The following SGSH variants were observed in gnomAD, a reference collection of about 807,000 sequenced individuals.
SGSH encodes the protein N-sulfoglucosamine sulfohydrolase.
Under a neutral mutation model 51.0 loss-of-function variants are expected in SGSH, and 48 were observed. The ratio of observed to expected loss-of-function variants is 0.94; its 90% CI spans 0.75 to 1.20. The LOEUF is 1.20. Among genes scored for constraint, SGSH ranks in the 50% most tolerant of loss-of-function variants. SGSH has a pLI of 0.00. For synonymous variants in SGSH, 321 were observed against 313.4 expected (o/e 1.02, Z -0.26); for missense variants, 662 against 717.8 (o/e 0.92, Z 0.89).
downstream of SGSH, chr17:80,202,640 A>T: frequency 7.2e-7 from 1 of 1,393,286 alleles, no homozygotes; most frequent in Non-Finnish European, 9.3e-7. Flanking sequence ...AACATTCTAG[A>T]TCTGGGTTTC....
rs533785180 is a variant in SGSH at position 80,210,174 on chromosome 17, C to T, written c.*278G>A. ...GCAGACCACGTATGTCTAGAATTCC[C>T]GTGCTGGGACATGGTTCAGACACAA... On this transcript the variant is annotated 3_prime_UTR_variant, in exon 8 of 8. Coordinates refer to ENST00000326317, the MANE Select transcript of SGSH (RefSeq NM_000199.5). 5.0e-5 allele frequency: 68 copies of T among 1,366,322 alleles called. No individual in the cohort carries two copies. In the East Asian group the frequency reaches 1.0e-3, roughly 20 times the overall value. The allele number at this position is 1,366,322 out of a possible 1,614,324, so 84.6% of individuals were successfully genotyped here.
downstream of SGSH, chr17:80,207,030 A>T: frequency 1.2e-6 from 2 of 1,614,090 alleles, no homozygotes; most frequent in Non-Finnish European, 1.7e-6. Flanking sequence ...CAGGATGGAC[A>T]TCTTCCCCAT....
downstream of SGSH, chr17:80,208,590 A>G: frequency 9.0e-6 from 4 of 444,240 alleles, no homozygotes; most frequent in Non-Finnish European, 1.2e-5. Context: ...CATGGTCTGA[A>G]CTGGAAACCC....
chr17:80,205,305 C>G, downstream of SGSH: 1 of 1,200,716 alleles, frequency 8.3e-7, no homozygotes, highest in Admixed American at 2.1e-5. Context: ...CTCCTTCCCT[C>G]CCCCACCACG....
chr17:80,204,292 T>A (rs1669783861), downstream of SGSH: 2 of 1,598,988 alleles, frequency 1.3e-6, no homozygotes, highest in African/African-American at 2.7e-5. Flanking sequence ...AGGCCAGCCC[T>A]CTGCGTTTGT....
At chr17:80,201,539 A>G in the SGSH span, 3 of 590,248 alleles carry the variant, frequency 5.1e-6, no homozygotes, top group Non-Finnish European at 9.0e-6. This position sits in a 1 kb window ranked among gnomAD's most constrained non-coding sequence, Gnocchi z 5.0. Context: ...CTCTCTGGCC[A>G]GCACTATGTG....
chr17:80,205,126 G>A (rs1348783525), downstream of SGSH: 1 of 1,613,594 alleles, frequency 6.2e-7, no homozygotes, highest in Non-Finnish European at 8.5e-7. Context: ...CCCGGCCTGT[G>A]CTCCTCGTGC....
rs201061563 is a variant in SGSH, at chr17:80,210,853, C to A, written c.1108G>T (p.Val370Phe). 6.2e-7 allele frequency: 1 copy of A among 1,613,728 alleles called. No individual in the cohort carries two copies. The highest frequency in any genetic ancestry group is 1.7e-5 in the Admixed American group (1 of 60,026). ...TVFGSQSHHE[V>F]TMSYPMRSVQ... ...GAGCGCATGGGGTAGGACATGGTGA[C>A]CTCGTGGTGGCTCTGGCTGCCAAAG... Residue 370 changes from valine (V) to phenylalanine (F), a missense_variant, in exon 8 of 8, where the codon GTC (valine) becomes TTC (phenylalanine). Coordinates refer to ENST00000326317, the MANE Select transcript of SGSH (RefSeq NM_000199.5).
At chr17:80,211,293 C>T (rs1299978164) in intron 7 of SGSH, 6 of 772,356 alleles carry the variant, frequency 7.8e-6, no homozygotes, top group Non-Finnish European at 1.1e-5. Context: ...TGTACTCCAG[C>T]CCCTGTGGTG....
chr17:80,215,453 G>A (rs1416671390), intron 2 of SGSH, among the ~76,000 whole-genome samples: 1 of 152,260 alleles, frequency 6.6e-6, no homozygotes, highest in Non-Finnish European at 1.5e-5. Context: ...ACGTTACAGA[G>A]TGAAAAAGAC....
intron 2 of SGSH, among the ~76,000 whole-genome samples, chr17:80,216,379 G>C (rs573787288): frequency 1.3e-5 from 2 of 152,224 alleles, no homozygotes; most frequent in Non-Finnish European, 1.5e-5. Flanking sequence ...GTGGCCCCTG[G>C]AGCAGTCAGA....
intron 7 of SGSH, 165 bp from the exon 8 acceptor site, chr17:80,211,176 G>A (rs2041649254): frequency 1.3e-6 from 2 of 1,503,734 alleles, no homozygotes; most frequent in Non-Finnish European, 1.8e-6. Context: ...TCATCTCTCT[G>A]GGCCTCAGTG....
chr17:80,201,645 C>A, the SGSH span: 3 of 1,297,984 alleles, frequency 2.3e-6, no homozygotes, highest in Non-Finnish European at 3.3e-6. This position sits in a 1 kb window ranked among gnomAD's most constrained non-coding sequence, Gnocchi z 5.0. Flanking sequence ...TACGGCAGGG[C>A]TGGCCCGCGC....
chr17:80,212,050 C>G lies in SGSH; in HGVS notation c.949+21G>C. 1 of 1,607,944 alleles carries G rather than the reference C, an allele frequency of 6.2e-7. No individual in the cohort carries two copies. Among genetic ancestry groups the G allele is most frequent in the Non-Finnish European group, 8.5e-7 (1 of 1,175,294 alleles). On this transcript the variant is annotated intron_variant, in intron 7 of 7. Coordinates refer to ENST00000326317, the MANE Select transcript of SGSH (RefSeq NM_000199.5). This position sits in a 1 kb window ranked among gnomAD's most constrained non-coding sequence, Gnocchi z 5.9. ...AGATCCACTCCCACACCTTTCCTGA[C>G]GGAGACAGACAAAGGCATACCTAGG...
chr17:80,211,393 A>G (rs2041660316), intron 7 of SGSH: 1 of 330,152 alleles, frequency 3.0e-6, no homozygotes, highest in African/African-American at 2.1e-5. Context: ...TCGGAGGGAA[A>G]GGGAACCTGA....
intron 7 of SGSH, chr17:80,211,492 C>T (rs1427162888): frequency 1.9e-5 from 5 of 267,410 alleles, no homozygotes; most frequent in Non-Finnish European, 2.9e-5. Context: ...CCGAAGGGGT[C>T]ACCCCGAGCC....
At position 80,213,793 on chromosome 17, in the gene SGSH, TG is replaced by T; in HGVS notation, c.745+10del. 6.3e-7 allele frequency: 1 copy of T among 1,594,990 alleles called. No homozygotes were observed. Among genetic ancestry groups the T allele is most frequent in the Non-Finnish European group, 8.5e-7 (1 of 1,175,008 alleles). ...TGGCACCCCCTCCAGTGCCCGGTTC[TG>T]CAAGCCCACCTTGGTCCATGCGGCC... On this transcript the variant is annotated intron_variant, in intron 6 of 7. Coordinates refer to ENST00000326317, the MANE Select transcript of SGSH (RefSeq NM_000199.5). The surrounding 1 kb of genome is among the most constrained non-coding windows in gnomAD (Gnocchi z 4.6).
Position 80,214,227 on chromosome 17 carries a change from C to A in SGSH, c.608G>T (p.Gly203Val). ...FCEKFGNGES[G>V]MGRIPDWTPQ... ...GGTCCAGTCTGGGATACGACCCATG[C>A]CGCTCTCTCCGTTGCCAAACTTCTC... Residue 203 changes from glycine to valine, a missense_variant, in exon 5 of 8, where the codon GGC becomes GTC. Coordinates refer to ENST00000326317, the MANE Select transcript of SGSH (RefSeq NM_000199.5). The A allele has an allele frequency of 6.2e-7, 1 of 1,612,896 alleles. No homozygotes were observed. The highest frequency in any genetic ancestry group is 8.5e-7 in the Non-Finnish European group (1 of 1,179,942).
At position 80,220,219 on chromosome 17, in the gene SGSH, C is replaced by CA; in HGVS notation, c.88+6dup. 1 of 1,515,000 alleles carries CA rather than the reference C, an allele frequency of 6.6e-7. No individual in the cohort carries two copies. Among genetic ancestry groups the CA allele is most frequent in the Non-Finnish European group, 8.8e-7 (1 of 1,136,860 alleles). The allele number at this position is 1,515,000 out of a possible 1,614,324, so 93.8% of individuals were successfully genotyped here. On this transcript the variant is annotated splice_region_variant and intron_variant, in intron 1 of 7. Coordinates refer to ENST00000326317, the MANE Select transcript of SGSH (RefSeq NM_000199.5). ...GGTGGGCGTGGGGGGGCGGCGCCGG[C>CA]ACTCACCGAGGAGCAGCAGTGCGTT...
Sources: gnomAD v4.1 joint callset for allele counts (sites outside exome capture counted in the v4.1 genomes callset) on GRCh38, gnomAD v4.1.1 for gene constraint, Gnocchi (gnomAD v3.1) non-coding constraint, MANE v1.5 for transcripts, NCBI Gene and HGNC (gene_info 2026-07-23, HGNC 2026-07-21) for gene names.